The following SSH1 variants were observed in gnomAD, a reference collection of about 807,000 sequenced individuals.
The protein encoded by SSH1 is slingshot protein phosphatase 1.
SSH1 carries 43 observed loss-of-function variants against 79.7 expected under a neutral mutation model. That is an observed-to-expected ratio of 0.54 (90% CI 0.42 to 0.70). SSH1 has a LOEUF of 0.70. Ranked by LOEUF, SSH1 falls within the 30% of genes least tolerant of loss-of-function variation. The pLI is 0.00. For synonymous variants in SSH1, 599 were observed against 538.3 expected (o/e 1.11, Z -1.56); for missense variants, 1,206 against 1,358.8 (o/e 0.89, Z 1.77).
chr12:108,838,837 T>C (rs1275457284), intron 2 of SSH1, among the ~76,000 whole-genome samples: 2 of 152,212 alleles, frequency 1.3e-5, no homozygotes, highest in Non-Finnish European at 2.9e-5. Flanking sequence ...TGTTTCTCTC[T>C]TTGCTTTGAC....
At chr12:108,803,729 G>A (rs2037133518) in intron 10 of SSH1, among the ~76,000 whole-genome samples, 1 of 152,198 alleles carries the variant, frequency 6.6e-6, no homozygotes, top group South Asian at 2.1e-4. Context: ...GGTGCCTTCT[G>A]TTCCCTTCTC....
chr12:108,821,265 G>C (rs145880523), intron 3 of SSH1, among the ~76,000 whole-genome samples: 1 of 151,504 alleles, frequency 6.6e-6, no homozygotes, highest in Non-Finnish European at 1.5e-5. Flanking sequence ...GTGGTGACAC[G>C]CATCTATGGT....
At chr12:108,791,823 T>C (rs1242063982) in intron 14 of SSH1, 1 of 554,880 alleles carries the variant, frequency 1.8e-6, no homozygotes, top group African/African-American at 2.0e-5. Flanking sequence ...CAGGTATCTA[T>C]ATCTAAATCT....
At chr12:108,789,979 C>T (rs967265930) in intron 14 of SSH1, among the ~76,000 whole-genome samples, 3 of 152,104 alleles carry the variant, frequency 2.0e-5, no homozygotes, top group East Asian at 3.9e-4. Context: ...CAGGTGTGAG[C>T]GACTACACCC....
intron 2 of SSH1, among the ~76,000 whole-genome samples, chr12:108,838,035 C>T (rs1593118052): frequency 6.6e-6 from 1 of 152,174 alleles, no homozygotes; most frequent in Admixed American, 6.5e-5. Flanking sequence ...CCTCCCACCT[C>T]GGTCTCCCAA....
chr12:108,799,912 G>A (rs921618909), intron 12 of SSH1, among the ~76,000 whole-genome samples: 3 of 152,212 alleles, frequency 2.0e-5, no homozygotes, highest in Admixed American at 6.5e-5. Flanking sequence ...CAGCACCTGC[G>A]AAACTTTATT....
intron 11 of SSH1, among the ~76,000 whole-genome samples, chr12:108,801,695 T>C (rs562772573): frequency 6.6e-6 from 1 of 150,590 alleles, no homozygotes; most frequent in East Asian, 1.9e-4. Context: ...AATGTCATCA[T>C]GTCAGGCCCA....
intron 1 of SSH1, among the ~76,000 whole-genome samples, chr12:108,855,736 C>T (rs1007236064): frequency 1.3e-5 from 2 of 152,214 alleles, no homozygotes; most frequent in African/African-American, 2.4e-5. Flanking sequence ...GAAGGAAAGG[C>T]GCTCCTGCAA....
rs1428390413 is a variant in SSH1, at chr12:108,785,015, T to A, written c.*2973A>T. 6.6e-6 allele frequency: 1 copy of A among 152,270 alleles called. No homozygotes were observed. Among genetic ancestry groups the A allele is most frequent in the Non-Finnish European group, 1.5e-5 (1 of 68,050 alleles). The allele number at this position is 152,270 out of a possible 1,614,324, so 9.4% of individuals were successfully genotyped here. Reference sequence around the variant, plus strand: ...TGCATACAAAGCAAGGGCCAAGCTATGGCATATGTTACAGTGCAAACTTCC... The same window carrying A: ...TGCATACAAAGCAAGGGCCAAGCTAAGGCATATGTTACAGTGCAAACTTCC... On this transcript the variant is annotated 3_prime_UTR_variant, in exon 15 of 15. Transcript: ENST00000326495.
In SSH1 at chr12:108,855,217, A is replaced by C. The variant is rs544646601; in HGVS notation, c.69+2211T>G. The stretch of plus-strand genomic sequence containing the variant: ...CATGAACTTTGAAAACGTGATGCTG[A>C]GTCAAAGAAGCCAGACACAAAAGGC... On this transcript the variant is annotated intron_variant, in intron 1 of 14. Coordinates refer to ENST00000326495, the MANE Select transcript of SSH1 (RefSeq NM_018984.4). 2.5e-4 allele frequency among the ~76,000 whole-genome samples: 38 copies of C among 152,360 alleles called. 1 individual carries two copies. The South Asian group carries it at 7.7e-3, about 31-fold the overall frequency.
Position 108,781,695 on chromosome 12 carries a change from CCT to C in SSH1, c.*6291_*6292del, listed in dbSNP as rs1183221956. 8 of 152,294 alleles carry C rather than the reference CCT, an allele frequency of 5.3e-5. No individual in the cohort carries two copies. The highest frequency in any genetic ancestry group is 1.9e-4 in the African/African-American group (8 of 41,542). The allele number at this position is 152,294 out of a possible 1,614,324, so 9.4% of individuals were successfully genotyped here. A position where few individuals can be genotyped will look rare whatever the true frequency, so the allele number is the denominator to read the frequency against. ...GTCTCCCTGGCTGTTGCATTGGGACCCTGTGACTGGGCCCTGCCCACTGGAAA... is the reference window on the plus strand; with the variant it reads ...GTCTCCCTGGCTGTTGCATTGGGACCGTGACTGGGCCCTGCCCACTGGAAA... On this transcript the variant is annotated 3_prime_UTR_variant, in exon 15 of 15. Coordinates refer to ENST00000326495, the MANE Select transcript of SSH1 (RefSeq NM_018984.4).
At chr12:108,831,553 A>G (rs924139684) in intron 2 of SSH1, among the ~76,000 whole-genome samples, 1 of 152,118 alleles carries the variant, frequency 6.6e-6, no homozygotes, top group African/African-American at 2.4e-5. Context: ...TAACTTCGAT[A>G]TAAGGCAGCA....
Position 108,852,629 on chromosome 12 carries a change from T to G in SSH1, c.110+9A>C, listed in dbSNP as rs767321605. On this transcript the variant is annotated intron_variant, in intron 2 of 14. Coordinates refer to ENST00000326495, the MANE Select transcript of SSH1 (RefSeq NM_018984.4). The stretch of plus-strand genomic sequence containing the variant: ...AAGACTTAGGAACAAGAATTGAAAG[T>G]CTGCTTACCTGAGGTTTAATTTTCG... 1.2e-6 allele frequency: 2 copies of G among 1,614,108 alleles called. No individual in the cohort carries two copies. Among genetic ancestry groups the G allele is most frequent in the Admixed American group, 3.3e-5 (2 of 60,008 alleles).
chr12:108,840,482 G>A (rs1041313537), intron 2 of SSH1, among the ~76,000 whole-genome samples: 2 of 151,648 alleles, frequency 1.3e-5, no homozygotes, highest in Admixed American at 1.3e-4. Flanking sequence ...GCAGTTAGCC[G>A]AGATCGTGCC....
In SSH1 at chr12:108,823,147, C is replaced by T. The variant is rs114383561; in HGVS notation, c.214+111G>A. On this transcript the variant is annotated intron_variant, in intron 3 of 14. Transcript: ENST00000326495. Reference sequence around the variant, plus strand: ...GCCTGCACTGGTCACTGCAAACCTGCGTCCACTATGTCTAAGGCCTTCAAA... The same window carrying T: ...GCCTGCACTGGTCACTGCAAACCTGTGTCCACTATGTCTAAGGCCTTCAAA... 2.1e-3 allele frequency: 2,183 copies of T among 1,032,956 alleles called. 33 individuals carry two copies. In the African/African-American group the frequency reaches 0.032, roughly 15 times the overall value. The allele number at this position is 1,032,956 out of a possible 1,614,324, so 64.0% of individuals were successfully genotyped here.
chr12:108,813,948 G>A (rs1347330253), intron 5 of SSH1, among the ~76,000 whole-genome samples: 1 of 152,168 alleles, frequency 6.6e-6, no homozygotes, highest in Non-Finnish European at 1.5e-5. Flanking sequence ...GTGAGGCCGG[G>A]TACAGTGGCT....
In SSH1 at chr12:108,837,047, A is replaced by G. The variant is rs376612545; in HGVS notation, c.111-13686T>C. ...GGGGTTCGAGACCAGCCTGGCCAACATGGCAACACCCTATTCTCTACTAAA... is the reference window on the plus strand; with the variant it reads ...GGGGTTCGAGACCAGCCTGGCCAACGTGGCAACACCCTATTCTCTACTAAA... On this transcript the variant is annotated intron_variant, in intron 2 of 14. Transcript: ENST00000326495. The G allele has an allele frequency of 7.6e-4, 347 of 457,716 alleles. 3 individuals are homozygous for G. Among genetic ancestry groups the G allele is most frequent in the South Asian group, 1.3e-3 (86 of 64,522 alleles). The allele number at this position is 457,716 out of a possible 1,614,324, so 28.4% of individuals were successfully genotyped here.
intron 2 of SSH1, among the ~76,000 whole-genome samples, chr12:108,845,168 C>T (rs1276378957): frequency 6.7e-6 from 1 of 148,692 alleles, no homozygotes; most frequent in Non-Finnish European, 1.5e-5. Context: ...GAGATCGCAC[C>T]ACTGCACTCC....
At chr12:108,819,365 G>A (rs1032402156) in intron 3 of SSH1, among the ~76,000 whole-genome samples, 1 of 152,240 alleles carries the variant, frequency 6.6e-6, no homozygotes, top group Non-Finnish European at 1.5e-5. Context: ...CTCGCGCGAA[G>A]CAGAGACCCT....
Sources: gnomAD v4.1 joint callset for allele counts (sites outside exome capture counted in the v4.1 genomes callset) on GRCh38, gnomAD v4.1.1 for gene constraint, MANE v1.5 for transcripts, NCBI Gene and HGNC (gene_info 2026-07-23, HGNC 2026-07-21) for gene names.